The following ARHGAP18 variants were observed in gnomAD, a reference collection of about 807,000 sequenced individuals.
ARHGAP18 encodes Rho GTPase activating protein 18.
A neutral mutation model predicts 86.2 loss-of-function variants in ARHGAP18; 67 were observed. The observed-to-expected ratio is 0.78, with a 90% CI of 0.64 to 0.95. The LOEUF (loss-of-function observed/expected upper bound fraction) is 0.95. Among genes scored for constraint, ARHGAP18 ranks in the 40% least tolerant of loss-of-function variants. The pLI is 0.00. For missense variants in ARHGAP18, 691 were observed against 780.4 expected (o/e 0.89, Z 1.37); for synonymous variants, 283 against 280.4 (o/e 1.01, Z -0.09).
rs753535294 is a variant in ARHGAP18 at position 129,611,633 on chromosome 6, T to C, written c.1045-23A>G. 5 of 1,604,762 alleles carry C rather than the reference T, an allele frequency of 3.1e-6. No individual in the cohort carries two copies. The South Asian group carries it at 4.4e-5, about 14-fold the overall frequency. On this transcript the variant is annotated intron_variant, in intron 7 of 14. Coordinates refer to ENST00000368149, the MANE Select transcript of ARHGAP18 (RefSeq NM_033515.3). ...CAGCTGTGCATAAACAGAGAAACAT[T>C]CTAATTTCCGTATTTGTAACAGGTA...
chr6:129,623,001 CAAAACAAAAAAAAAAA>C lies in ARHGAP18; in HGVS notation c.787-4165_787-4150del, dbSNP rs200799250. Among the ~76,000 whole-genome samples the C allele has an allele frequency of 1.3e-3, 20 of 15,416 alleles. No homozygotes were observed. In the East Asian group the frequency reaches 0.026, roughly 20 times the overall value. 10.1% of individuals were successfully genotyped at this position (15,416 alleles called of 152,430 possible). Reference sequence around the variant, plus strand: ...GGGCAACAAGAGTGAAACTCCATCTCAAAACAAAAAAAAAAAAAAAAAAAAAGGAAAAAGAAAAGAA... The same window carrying C: ...GGGCAACAAGAGTGAAACTCCATCTCAAAAAAAAAAGGAAAAAGAAAAGAA... On this transcript the variant is annotated intron_variant, in intron 5 of 14. Coordinates refer to ENST00000368149, the MANE Select transcript of ARHGAP18 (RefSeq NM_033515.3).
intron 7 of ARHGAP18, among the ~76,000 whole-genome samples, chr6:129,616,008 A>C (rs1223789485): frequency 2.6e-5 from 4 of 152,224 alleles, no homozygotes; most frequent in Non-Finnish European, 5.9e-5. Flanking sequence ...CCAGGTAATC[A>C]CAGTTACAGT....
At position 129,705,097 on chromosome 6, in the gene ARHGAP18, G is replaced by T. The variant is rs992172148; in HGVS notation, c.113+4927C>A. Among the ~76,000 whole-genome samples, 6 of 152,156 alleles carry T rather than the reference G, an allele frequency of 3.9e-5. No individual in the cohort carries two copies. In the East Asian group the frequency reaches 1.2e-3, roughly 29 times the overall value. Reference sequence around the variant, plus strand: ...CTCAGGTCTTTATTTTCCCCTCCAGGCTACCCTCCCTGCACCCAGATGTTT... The same window carrying T: ...CTCAGGTCTTTATTTTCCCCTCCAGTCTACCCTCCCTGCACCCAGATGTTT... On this transcript the variant is annotated intron_variant, in intron 1 of 14. Coordinates refer to ENST00000368149, the MANE Select transcript of ARHGAP18 (RefSeq NM_033515.3).
At chr6:129,618,634 TCC>T in intron 6 of ARHGAP18, 51 bp downstream of exon 6, 2 of 1,511,052 alleles carry the variant, frequency 1.3e-6, no homozygotes, top group Non-Finnish European at 1.8e-6. Context: ...AAAAGCCAAG[TCC>T]ATCCTTGCTA....
intron 1 of ARHGAP18, among the ~76,000 whole-genome samples, chr6:129,693,081 G>A (rs9398917): frequency 0.14 from 21,025 of 152,050 alleles, 2,038 homozygotes; most frequent in African/African-American, 0.26. Flanking sequence ...TATATAAATG[G>A]CTTTACTACA....
chr6:129,627,594 A>T (rs1789507423), intron 5 of ARHGAP18, among the ~76,000 whole-genome samples: 1 of 151,948 alleles, frequency 6.6e-6, no homozygotes, highest in South Asian at 2.1e-4. Flanking sequence ...ACGTTTCTTT[A>T]ATAAATTAAT....
chr6:129,597,894 C>CT (rs375911952), intron 12 of ARHGAP18, among the ~76,000 whole-genome samples: 41 of 151,914 alleles, frequency 2.7e-4, no homozygotes, highest in South Asian at 2.1e-4. Context: ...GAAGTTAATG[C>CT]TTTTTTTTCC....
At chr6:129,598,437 T>A (rs1452203565) in intron 12 of ARHGAP18, among the ~76,000 whole-genome samples, 1 of 152,174 alleles carries the variant, frequency 6.6e-6, no homozygotes, top group Non-Finnish European at 1.5e-5. Context: ...CCACAAGATG[T>A]CAGCATGTAA....
intron 4 of ARHGAP18, among the ~76,000 whole-genome samples, chr6:129,630,198 G>T (rs1324822198): frequency 6.6e-6 from 1 of 152,158 alleles, no homozygotes; most frequent in Non-Finnish European, 1.5e-5. Flanking sequence ...TTTACATCAA[G>T]ATTTCAAGGA....
At position 129,698,096 on chromosome 6, in the gene ARHGAP18, T is replaced by C. The variant is rs576406856; in HGVS notation, c.113+11928A>G. Among the ~76,000 whole-genome samples the C allele has an allele frequency of 2.4e-4, 37 of 152,278 alleles. No homozygotes were observed. The South Asian group carries it at 7.3e-3, about 30-fold the overall frequency. ...TTTTATTCCTCAAAAGAAAGAACCA[T>C]GCAAGACTTCCTAAATATGATACTA... is the stretch of plus-strand genomic sequence containing the variant. On this transcript the variant is annotated intron_variant, in intron 1 of 14. Coordinates refer to ENST00000368149, the MANE Select transcript of ARHGAP18 (RefSeq NM_033515.3).
At chr6:129,709,227 A>G (rs574866376) in intron 1 of ARHGAP18, among the ~76,000 whole-genome samples, 27 of 152,228 alleles carry the variant, frequency 1.8e-4, no homozygotes, top group Non-Finnish European at 3.4e-4. Flanking sequence ...AATATTTACT[A>G]TTTATATCTT....
intron 1 of ARHGAP18, among the ~76,000 whole-genome samples, chr6:129,659,309 C>T (rs1773902464): frequency 1.3e-5 from 2 of 152,202 alleles, no homozygotes; most frequent in Admixed American, 6.5e-5. Context: ...CTTCTCACTG[C>T]TAACATGTAC....
chr6:129,708,183 G>A (rs776805170), intron 1 of ARHGAP18, among the ~76,000 whole-genome samples: 8 of 152,042 alleles, frequency 5.3e-5, no homozygotes, highest in Non-Finnish European at 8.8e-5. Context: ...CTTCCTCCCT[G>A]CCCTCAAACC....
intron 4 of ARHGAP18, among the ~76,000 whole-genome samples, chr6:129,631,717 A>C (rs1443256081): frequency 6.6e-6 from 1 of 151,998 alleles, no homozygotes; most frequent in Non-Finnish European, 1.5e-5. Context: ...TGCCTTAAAA[A>C]ATTTTTTTTA....
intron 1 of ARHGAP18, among the ~76,000 whole-genome samples, chr6:129,708,869 G>T (rs1213352244): frequency 6.6e-6 from 1 of 152,096 alleles, no homozygotes; most frequent in Non-Finnish European, 1.5e-5. Flanking sequence ...AAAATGAAAT[G>T]GTAACACAGC....
intron 10 of ARHGAP18, among the ~76,000 whole-genome samples, chr6:129,602,396 T>G (rs1788765216): frequency 6.6e-6 from 1 of 152,134 alleles, no homozygotes; most frequent in South Asian, 2.1e-4. Flanking sequence ...AAGAATCATT[T>G]TTTCAGAGTT....
chr6:129,685,135 G>A (rs141653971), intron 1 of ARHGAP18, among the ~76,000 whole-genome samples: 24 of 152,262 alleles, frequency 1.6e-4, no homozygotes, highest in African/African-American at 5.8e-4. Flanking sequence ...GTCACCTTGA[G>A]CAAGTTTTCT....
At chr6:129,656,117 A>G (rs1440808488) in intron 1 of ARHGAP18, among the ~76,000 whole-genome samples, 1 of 152,244 alleles carries the variant, frequency 6.6e-6, no homozygotes, top group Non-Finnish European at 1.5e-5. Context: ...CTGACTCCCT[A>G]TTAATTGCAA....
chr6:129,624,469 G>A (rs750552251), intron 5 of ARHGAP18, among the ~76,000 whole-genome samples: 4 of 152,082 alleles, frequency 2.6e-5, no homozygotes, highest in Non-Finnish European at 4.4e-5. Context: ...GGTGGAGGTT[G>A]CAGTGAGCCA....
Sources: allele counts gnomAD v4.1 joint callset (sites outside exome capture counted in the v4.1 genomes callset), GRCh38; gene constraint gnomAD v4.1.1; transcripts MANE v1.5; gene names NCBI Gene and HGNC (gene_info 2026-07-23, HGNC 2026-07-21).